Variants in INPP4B observed in about 807,000 individuals in gnomAD.
The protein encoded by INPP4B is inositol polyphosphate 4-phosphatase type II.
In INPP4B, 55 loss-of-function variants were observed where a neutral mutation model predicts 122.5. The observed-to-expected ratio is 0.45, with a 90% confidence interval of 0.36 to 0.56. The LOEUF is 0.56. Ranked by LOEUF, INPP4B falls within the 20% of genes least tolerant of loss-of-function variation. The pLI, the probability that INPP4B is intolerant of heterozygous loss-of-function variation, is 0.00. For missense variants in INPP4B, 1,000 were observed against 1,097.7 expected (o/e 0.91, Z 1.26); for synonymous variants, 403 against 388.7 (o/e 1.04, Z -0.43).
intron 17 of INPP4B, among the ~76,000 whole-genome samples, chr4:142,159,755 C>T (rs1363601086): frequency 6.6e-6 from 1 of 151,916 alleles, no homozygotes; most frequent in Non-Finnish European, 1.5e-5. Context: ...ATATTCGGCC[C>T]AACTAGAATT....
intron 2 of INPP4B, among the ~76,000 whole-genome samples, chr4:142,600,415 G>A (rs1739656547): frequency 6.6e-6 from 1 of 152,136 alleles, no homozygotes; most frequent in Non-Finnish European, 1.5e-5. Flanking sequence ...TCACAGATGA[G>A]CAAATGCTGA....
intron 1 of INPP4B, among the ~76,000 whole-genome samples, chr4:142,794,325 G>C (rs1354215568): frequency 6.6e-6 from 1 of 151,952 alleles, no homozygotes; most frequent in Non-Finnish European, 1.5e-5. Flanking sequence ...GCAGCAGTAA[G>C]AAGGACCCAG....
intron 2 of INPP4B, among the ~76,000 whole-genome samples, chr4:142,498,571 T>C (rs938186675): frequency 6.6e-6 from 1 of 152,004 alleles, no homozygotes; most frequent in African/African-American, 2.4e-5. Context: ...GGAGGATTGC[T>C]TGAGTCCAGG....
At chr4:142,165,106 G>C (rs1434482568) in intron 16 of INPP4B, among the ~76,000 whole-genome samples, 1 of 151,660 alleles carries the variant, frequency 6.6e-6, no homozygotes, top group African/African-American at 2.4e-5. Context: ...TCCATCTCCT[G>C]AACCAGCTCT....
chr4:142,509,298 A>G (rs1824410151), intron 2 of INPP4B, among the ~76,000 whole-genome samples: 2 of 152,168 alleles, frequency 1.3e-5, no homozygotes. Context: ...TTACATAGGT[A>G]TACATGTGCT....
chr4:142,801,572 G>A (rs1300183009), intron 1 of INPP4B, among the ~76,000 whole-genome samples: 5 of 152,274 alleles, frequency 3.3e-5, no homozygotes, highest in African/African-American at 9.6e-5. Context: ...CTCCAGAACT[G>A]TAAGAAAATA....
At chr4:142,393,423 T>C (rs1798362546) in intron 7 of INPP4B, among the ~76,000 whole-genome samples, 1 of 152,140 alleles carries the variant, frequency 6.6e-6, no homozygotes, top group Non-Finnish European at 1.5e-5. Context: ...AAACAGGATG[T>C]TTCAGCGTAA....
At chr4:142,128,069 C>A (rs978060218) in intron 18 of INPP4B, among the ~76,000 whole-genome samples, 3 of 152,056 alleles carry the variant, frequency 2.0e-5, no homozygotes, top group Non-Finnish European at 4.4e-5. Context: ...AAAACCCAAG[C>A]TTCAGCTCTT....
intron 2 of INPP4B, among the ~76,000 whole-genome samples, chr4:142,665,404 G>A (rs1755848708): frequency 6.7e-6 from 1 of 148,162 alleles, no homozygotes; most frequent in South Asian, 2.1e-4. Flanking sequence ...TGAGGCAGGA[G>A]AATGGCGTGA....
At chr4:142,058,212 T>C (rs1338681473) in intron 25 of INPP4B, among the ~76,000 whole-genome samples, 2 of 152,178 alleles carry the variant, frequency 1.3e-5, no homozygotes, top group South Asian at 4.1e-4. Context: ...TATATCTTAG[T>C]AAATTTCAGA....
chr4:142,357,191 G>A (rs1199360898), intron 7 of INPP4B, among the ~76,000 whole-genome samples: 1 of 152,002 alleles, frequency 6.6e-6, no homozygotes, highest in Admixed American at 6.6e-5. Context: ...AACACTAGAA[G>A]GGGATGGCGG....
chr4:142,133,411 C>T (rs1397021135), intron 18 of INPP4B, among the ~76,000 whole-genome samples: 1 of 152,158 alleles, frequency 6.6e-6, no homozygotes, highest in Non-Finnish European at 1.5e-5. Context: ...TTTTCATCAC[C>T]TCCACTTGTC....
chr4:142,781,119 G>C (rs778129949), intron 1 of INPP4B, among the ~76,000 whole-genome samples: 45 of 152,194 alleles, frequency 3.0e-4, no homozygotes, highest in Admixed American at 1.8e-3. Flanking sequence ...ATGGGGCTGG[G>C]TGTCAATGAA....
chr4:142,391,903 G>T (rs548799671), intron 7 of INPP4B, among the ~76,000 whole-genome samples: 1 of 152,208 alleles, frequency 6.6e-6, no homozygotes, highest in Admixed American at 6.5e-5. Context: ...CATTTTCAAC[G>T]CATGTTTTCT....
intron 3 of INPP4B, among the ~76,000 whole-genome samples, chr4:142,452,068 G>A (rs764961628): frequency 8.5e-5 from 13 of 152,074 alleles, no homozygotes; most frequent in Non-Finnish European, 1.6e-4. Context: ...CCCACCTGCC[G>A]ACAGGCCTCT....
intron 1 of INPP4B, among the ~76,000 whole-genome samples, chr4:142,739,908 A>G (rs555639788): frequency 6.6e-6 from 1 of 152,164 alleles, no homozygotes; most frequent in East Asian, 1.9e-4. Context: ...TCTTCACAAT[A>G]ACTATTGAAA....
intron 2 of INPP4B, among the ~76,000 whole-genome samples, chr4:142,692,576 AC>A (rs1760345418): frequency 6.6e-6 from 1 of 152,240 alleles, no homozygotes; most frequent in Non-Finnish European, 1.5e-5. Flanking sequence ...TTAAAGGGAC[AC>A]AAAGTAATGT....
intron 25 of INPP4B, among the ~76,000 whole-genome samples, chr4:142,077,396 A>C (rs1316107933): frequency 6.6e-6 from 1 of 152,030 alleles, no homozygotes; most frequent in Non-Finnish European, 1.5e-5. Context: ...CTGTTAAGGA[A>C]AAATAATAGT....
In INPP4B at chr4:142,133,891, G is replaced by A. The variant is rs527558553; in HGVS notation, c.1721-9131C>T. On this transcript the variant is annotated intron_variant, in intron 18 of 25. Transcript: ENST00000262992. ...TCAGCTTTTAAATGAGACCTACATC[G>A]CCTACTCCACTAAACTGCAATCTCT... Among the ~76,000 whole-genome samples the A allele has an allele frequency of 1.4e-4, 22 of 152,132 alleles. 1 individual carries two copies. The highest frequency in any genetic ancestry group is 1.2e-3 in the South Asian group (6 of 4,814).
Sources: allele counts gnomAD v4.1 joint callset (sites outside exome capture counted in the v4.1 genomes callset), GRCh38; gene constraint gnomAD v4.1.1; transcripts MANE v1.5; gene names NCBI Gene and HGNC (gene_info 2026-07-23, HGNC 2026-07-21).